KAT6B: variants seen among roughly 807,000 people sequenced by gnomAD.
The protein encoded by KAT6B is lysine acetyltransferase 6B, also known as histone acetyltransferase KAT6B.
Under a neutral mutation model 187.5 loss-of-function variants are expected in KAT6B, and 10 were observed. The ratio of observed to expected loss-of-function variants is 0.05; its 90% CI spans 0.03 to 0.09. KAT6B has a LOEUF of 0.09. Ranked by LOEUF, KAT6B falls within the 10% of genes least tolerant of loss-of-function variation. The pLI, the probability that KAT6B is intolerant of heterozygous loss-of-function variation, is 1.00. For missense variants in KAT6B, 1,952 were observed against 2,558.9 expected (o/e 0.76, Z 5.12); for synonymous variants, 861 against 926.8 (o/e 0.93, Z 1.29).
intron 3 of KAT6B, among the ~76,000 whole-genome samples, chr10:74,917,557 G>A (rs1364127790): frequency 6.6e-6 from 1 of 152,214 alleles, no homozygotes; most frequent in African/African-American, 2.4e-5. Context: ...GTGCTTGAGG[G>A]AAGGGAGATA....
chr10:74,904,961 G>A (rs776860252), intron 3 of KAT6B, among the ~76,000 whole-genome samples: 1 of 152,050 alleles, frequency 6.6e-6, no homozygotes, highest in Admixed American at 6.6e-5. Context: ...TTTTGAAGAC[G>A]TAACTTAAAA....
At chr10:74,893,080 C>CCT (rs1845748451) in intron 3 of KAT6B, among the ~76,000 whole-genome samples, 4 of 152,350 alleles carry the variant, frequency 2.6e-5, no homozygotes, top group African/African-American at 9.6e-5. Flanking sequence ...TGTGGGTGAA[C>CCT]CACAGAGGCA....
At chr10:74,905,350 A>C (rs4307657) in intron 3 of KAT6B, among the ~76,000 whole-genome samples, 12,315 of 152,272 alleles carry the variant, frequency 0.081, 659 homozygotes, top group South Asian at 0.27. Context: ...ATGGGCAATA[A>C]ATTAATAAGT....
In KAT6B at chr10:74,843,488, G is replaced by A; in HGVS notation, c.621+10G>A. ...CCATGAGAAAGACCAGGTAAGCGAAGGAGTAATGTTCGTGCATTCTCACTA... is the reference window on the plus strand; with the variant it reads ...CCATGAGAAAGACCAGGTAAGCGAAAGAGTAATGTTCGTGCATTCTCACTA... On this transcript the variant is annotated intron_variant, in intron 3 of 17. Transcript: ENST00000287239. 1.2e-6 allele frequency: 2 copies of A among 1,612,862 alleles called. No individual in the cohort carries two copies. Among genetic ancestry groups the A allele is most frequent in the Non-Finnish European group, 1.7e-6 (2 of 1,179,966 alleles).
At chr10:74,840,908 G>C (rs1178383111) in intron 2 of KAT6B, among the ~76,000 whole-genome samples, 2 of 152,146 alleles carry the variant, frequency 1.3e-5, no homozygotes, top group East Asian at 3.8e-4. Context: ...CAGTATGTCT[G>C]GCTAAAGTTT....
chr10:75,030,941 G>T lies in KAT6B; in HGVS notation c.6117G>T (p.Gln2039His), dbSNP rs1349950053. The T allele has an allele frequency of 1.2e-6, 2 of 1,614,156 alleles. No individual in the cohort carries two copies. Among genetic ancestry groups the T allele is most frequent in the Non-Finnish European group, 1.7e-6 (2 of 1,180,042 alleles). ...GTQPYAQQPM[Q>H]TPPHGNMMYT... ...AGCCATATGCCCAGCAGCCAATGCA[G>T]ACCCCACCCCACGGTAACATGATGT... The change falls in exon 18 of 18, where the codon CAG (glutamine) becomes CAT (histidine). Residue 2039 changes from glutamine (Q) to histidine (H), a missense_variant. Around this residue, in one of 9 missense-constraint regions of KAT6B, gnomAD observed 358 missense variants for 436.3 expected, o/e 0.82. Coordinates refer to ENST00000287239, the MANE Select transcript of KAT6B (RefSeq NM_012330.4). This position sits in a 1 kb window ranked among gnomAD's most constrained non-coding sequence, Gnocchi z 4.8.
At chr10:74,993,846 G>T (rs1157398064) in intron 13 of KAT6B, among the ~76,000 whole-genome samples, 1 of 152,108 alleles carries the variant, frequency 6.6e-6, no homozygotes, top group Non-Finnish European at 1.5e-5. Flanking sequence ...TTTTTGGCAG[G>T]AATACCATAG....
chr10:74,889,306 T>A (rs1845503113), intron 3 of KAT6B, among the ~76,000 whole-genome samples: 1 of 152,366 alleles, frequency 6.6e-6, no homozygotes, highest in South Asian at 2.1e-4. Context: ...GTTGCCTGGA[T>A]GTCTCTGATG....
chr10:74,937,819 C>G (rs2133246619), intron 3 of KAT6B, among the ~76,000 whole-genome samples: 1 of 152,338 alleles, frequency 6.6e-6, no homozygotes, highest in Non-Finnish European at 1.5e-5. Context: ...GCTGCTTCTG[C>G]TATTACTGCT....
At chr10:74,902,045 T>G (rs1054373516) in intron 3 of KAT6B, among the ~76,000 whole-genome samples, 2 of 152,156 alleles carry the variant, frequency 1.3e-5, no homozygotes, top group Non-Finnish European at 2.9e-5. Context: ...TCCCTGCTTT[T>G]CTCTGTCTCT....
intron 9 of KAT6B, among the ~76,000 whole-genome samples, chr10:74,978,720 GAGAC>G (rs1842317710): frequency 6.6e-6 from 1 of 152,164 alleles, no homozygotes; most frequent in Non-Finnish European, 1.5e-5. Flanking sequence ...GAAATAAGAG[GAGAC>G]AAATGCTAAG....
At chr10:75,019,821 A>G (rs755648331) in intron 13 of KAT6B, among the ~76,000 whole-genome samples, 2 of 150,794 alleles carry the variant, frequency 1.3e-5, no homozygotes, top group Admixed American at 6.6e-5. Flanking sequence ...CTTCACAGTA[A>G]TGCTGTAAAA....
At chr10:74,851,985 A>G (rs1842509162) in intron 3 of KAT6B, among the ~76,000 whole-genome samples, 1 of 152,104 alleles carries the variant, frequency 6.6e-6, no homozygotes, top group South Asian at 2.1e-4. Context: ...GACTTTTCCA[A>G]TAGCCTGTAC....
intron 3 of KAT6B, among the ~76,000 whole-genome samples, chr10:74,919,437 T>A (rs2133039230): frequency 6.6e-6 from 1 of 152,272 alleles, no homozygotes; most frequent in South Asian, 2.1e-4. Flanking sequence ...TCTTGCTCTG[T>A]CATCCAGGCT....
chr10:75,003,908 C>A (rs1015085417), intron 13 of KAT6B, among the ~76,000 whole-genome samples: 3 of 152,034 alleles, frequency 2.0e-5, no homozygotes, highest in Non-Finnish European at 2.9e-5. Flanking sequence ...ATAAATAGCT[C>A]TTATAGAATA....
chr10:75,015,280 T>A (rs149671083), intron 13 of KAT6B, among the ~76,000 whole-genome samples: 1 of 152,272 alleles, frequency 6.6e-6, no homozygotes, highest in East Asian at 1.9e-4. Context: ...TATGAAAAAT[T>A]CAAAATTTCC....
At chr10:74,895,023 A>C (rs1845891517) in intron 3 of KAT6B, among the ~76,000 whole-genome samples, 1 of 150,882 alleles carries the variant, frequency 6.6e-6, no homozygotes, top group Non-Finnish European at 1.5e-5. Context: ...CCAGCAGTGC[A>C]CAGAGATTAC....
intron 3 of KAT6B, among the ~76,000 whole-genome samples, chr10:74,919,769 A>G (rs1847978855): frequency 6.6e-6 from 1 of 152,092 alleles, no homozygotes; most frequent in African/African-American, 2.4e-5. Flanking sequence ...TTCTCACTGT[A>G]TGCTCTATGC....
At chr10:74,973,833 T>C (rs1841995215) in intron 7 of KAT6B, among the ~76,000 whole-genome samples, 1 of 152,198 alleles carries the variant, frequency 6.6e-6, no homozygotes, top group African/African-American at 2.4e-5. Flanking sequence ...GCATTCATCC[T>C]GTGTAAGCAT....
Sources: gnomAD v4.1 joint callset for allele counts (sites outside exome capture counted in the v4.1 genomes callset) on GRCh38, gnomAD v4.1.1 for gene constraint, gnomAD v4.1.1 regional missense constraint, Gnocchi (gnomAD v3.1) non-coding constraint, MANE v1.5 for transcripts, NCBI Gene and HGNC (gene_info 2026-07-23, HGNC 2026-07-21) for gene names.